GRB10: variants seen among roughly 807,000 people sequenced by gnomAD.
GRB10 encodes the protein growth factor receptor bound protein 10.
A neutral mutation model predicts 80.9 loss-of-function variants in GRB10; 20 were observed. The ratio of observed to expected loss-of-function variants is 0.25; its 90% CI spans 0.17 to 0.36. The LOEUF (loss-of-function observed/expected upper bound fraction) is 0.36. Among genes scored for constraint, GRB10 ranks in the 10% least tolerant of loss-of-function variants. The probability of loss-of-function intolerance (pLI) is 1.00; values close to 1 mark genes in which losing one functional copy is unlikely to be tolerated. For missense variants in GRB10, 548 were observed against 747.7 expected (o/e 0.73, Z 3.12); for synonymous variants, 291 against 291.5 (o/e 1.00, Z 0.02).
chr7:50,671,281 G>C (rs2060325488), intron 6 of GRB10, among the ~76,000 whole-genome samples: 1 of 152,134 alleles, frequency 6.6e-6, no homozygotes, highest in Non-Finnish European at 1.5e-5. Context: ...CCCCATCATA[G>C]GCTGTGTCCT....
At chr7:50,645,693 T>C (rs1205523864) in intron 7 of GRB10, 2 of 828,318 alleles carry the variant, frequency 2.4e-6, no homozygotes, top group Non-Finnish European at 2.9e-6. Context: ...TTGGGGTCTG[T>C]CCATTTGCTC....
At chr7:50,648,467 A>C (rs371838182) in intron 7 of GRB10, among the ~76,000 whole-genome samples, 1 of 152,234 alleles carries the variant, frequency 6.6e-6, no homozygotes, top group African/African-American at 2.4e-5. Flanking sequence ...TTCTGAAAGC[A>C]GTAATTTTAA....
intron 4 of GRB10, among the ~76,000 whole-genome samples, chr7:50,731,292 G>C (rs2069676501): frequency 1.3e-5 from 2 of 150,096 alleles, no homozygotes; most frequent in Non-Finnish European, 2.9e-5. Context: ...TCGAAGGCTT[G>C]CTTCACTTAG....
At chr7:50,599,024 G>C (rs2153563866) in intron 17 of GRB10, among the ~76,000 whole-genome samples, 1 of 152,228 alleles carries the variant, frequency 6.6e-6, no homozygotes, top group South Asian at 2.1e-4. Context: ...TTGGCAGAGA[G>C]GACTACAGAC....
intron 18 of GRB10, 116 bp from the exon 19 acceptor site, chr7:50,593,214 A>G: frequency 8.6e-7 from 1 of 1,168,718 alleles, no homozygotes; most frequent in Middle Eastern, 2.3e-4. Context: ...AGGGACACAC[A>G]GGGCAAGGTA....
intron 7 of GRB10, among the ~76,000 whole-genome samples, chr7:50,660,978 C>T (rs1417067956): frequency 6.6e-6 from 1 of 152,204 alleles, no homozygotes; most frequent in Non-Finnish European, 1.5e-5. Flanking sequence ...GAAAAGGTGA[C>T]ACGGGCAGAC....
chr7:50,646,723 C>T (rs914667198), intron 7 of GRB10, among the ~76,000 whole-genome samples: 4 of 152,128 alleles, frequency 2.6e-5, no homozygotes, highest in South Asian at 2.1e-4. Flanking sequence ...AAAGTTTTCA[C>T]GTGAACTTCT....
chr7:50,606,568 C>A, intron 13 of GRB10, 154 bp from the exon 14 acceptor site: 1 of 697,508 alleles, frequency 1.4e-6, no homozygotes. Flanking sequence ...TGACCCTGAT[C>A]AACACAGGGA....
chr7:50,605,426 G>T lies in GRB10; in HGVS notation c.1273-20C>A. On this transcript the variant is annotated intron_variant, in intron 14 of 18. Transcript: ENST00000401949. ...ACTGCGCTGAAAAGGAAAGGCCGCA[G>T]TTCTTAAAATGCAGGGAAATAAGGC... is the stretch of plus-strand genomic sequence containing the variant. The T allele has an allele frequency of 6.3e-7, 1 of 1,584,990 alleles. No homozygotes were observed. The highest frequency in any genetic ancestry group is 8.7e-7 in the Non-Finnish European group (1 of 1,153,326).
At chr7:50,609,654 T>A (rs932856332) in intron 13 of GRB10, among the ~76,000 whole-genome samples, 4 of 152,244 alleles carry the variant, frequency 2.6e-5, no homozygotes, top group African/African-American at 9.6e-5. Context: ...CTTGTGTGGA[T>A]GAGGCAAGAC....
At chr7:50,738,492 G>C (rs1357311242) in intron 3 of GRB10, among the ~76,000 whole-genome samples, 2 of 152,220 alleles carry the variant, frequency 1.3e-5, no homozygotes, top group Non-Finnish European at 2.9e-5. Flanking sequence ...AGGCTGGAGA[G>C]CAGTGGTGTG....
intron 7 of GRB10, among the ~76,000 whole-genome samples, chr7:50,649,022 C>T (rs2057646192): frequency 6.6e-6 from 1 of 152,050 alleles, no homozygotes; most frequent in African/African-American, 2.4e-5. Context: ...GGGTTCTGAT[C>T]CTGGCTCTGC....
intron 5 of GRB10, among the ~76,000 whole-genome samples, chr7:50,683,528 G>A (rs1209589752): frequency 6.6e-6 from 1 of 152,184 alleles, no homozygotes; most frequent in African/African-American, 2.4e-5. Flanking sequence ...CCTGAGGTCA[G>A]GAGTTCGAGA....
chr7:50,614,969 C>T (rs2050291391), intron 11 of GRB10, 89 bp from the exon 12 acceptor site: 2 of 800,508 alleles, frequency 2.5e-6, no homozygotes, highest in Admixed American at 3.6e-5. Context: ...TCTCTGCACA[C>T]TTACAAGCAC....
intron 7 of GRB10, among the ~76,000 whole-genome samples, chr7:50,649,814 C>T (rs917895318): frequency 6.6e-6 from 1 of 152,182 alleles, no homozygotes; most frequent in Non-Finnish European, 1.5e-5. Flanking sequence ...GCTCCTCTTC[C>T]TTGGCCACAG....
intron 7 of GRB10, among the ~76,000 whole-genome samples, chr7:50,649,058 G>A (rs1488676405): frequency 6.6e-6 from 1 of 152,082 alleles, no homozygotes; most frequent in African/African-American, 2.4e-5. Flanking sequence ...CATCCCCCTA[G>A]AGGAGCATCC....
chr7:50,606,528 T>TG (rs2048560952), intron 13 of GRB10, 114 bp from the exon 14 acceptor site: 1 of 773,982 alleles, frequency 1.3e-6, no homozygotes, highest in South Asian at 1.4e-5. Context: ...AGTGATGCCC[T>TG]GTACCAGCCT....
intron 7 of GRB10, among the ~76,000 whole-genome samples, chr7:50,633,841 A>G (rs575104213): frequency 3.3e-5 from 5 of 152,338 alleles, no homozygotes; most frequent in Non-Finnish European, 7.3e-5. Flanking sequence ...GAATTAGCCC[A>G]GATAAGAAGA....
chr7:50,778,354 G>T (rs966786815), intron 2 of GRB10, among the ~76,000 whole-genome samples: 1 of 152,186 alleles, frequency 6.6e-6, no homozygotes, highest in Non-Finnish European at 1.5e-5. Flanking sequence ...CACCAGCCTA[G>T]GAAGACTGTT....
Sources: gnomAD v4.1 joint callset for allele counts (sites outside exome capture counted in the v4.1 genomes callset) on GRCh38, gnomAD v4.1.1 for gene constraint, MANE v1.5 for transcripts, NCBI Gene and HGNC (gene_info 2026-07-23, HGNC 2026-07-21) for gene names.